Variants in UBR1 observed in about 807,000 individuals in gnomAD.
The protein encoded by UBR1 is E3 ubiquitin-protein ligase UBR1.
UBR1 carries 102 observed loss-of-function variants against 242.1 expected under a neutral mutation model. That is an observed-to-expected ratio of 0.42 (90% CI 0.36 to 0.50). The LOEUF is 0.50. UBR1 is among the 20% of genes least tolerant of loss of function. UBR1 has a pLI of 0.01. For synonymous variants in UBR1, 675 were observed against 684.8 expected, an observed-to-expected ratio of 0.99 and a Z score of 0.22; for missense variants, 1,772 against 2,101.8, an observed-to-expected ratio of 0.84 and a Z score of 3.07.
intron 39 of UBR1, among the ~76,000 whole-genome samples, chr15:42,972,621 T>A (rs1236347203): frequency 6.6e-6 from 1 of 152,208 alleles, no homozygotes; most frequent in African/African-American, 2.4e-5. Context: ...TCCACCCGTC[T>A]TGTCCTCCCA....
rs564907669 is a variant in UBR1 at position 42,953,540 on chromosome 15, C to T, written c.4836-1092G>A. 5.9e-5 allele frequency among the ~76,000 whole-genome samples: 9 copies of T among 152,308 alleles called. No individual in the cohort carries two copies. The East Asian group carries it at 7.7e-4, about 13-fold the overall frequency. The stretch of plus-strand genomic sequence containing the variant: ...AGGATGAGAGGACTATTTTCACTTC[C>T]GGGAGGTTGCTCCAGAACATAATTA... On this transcript the variant is annotated intron_variant, in intron 44 of 46. Coordinates refer to ENST00000290650, the MANE Select transcript of UBR1 (RefSeq NM_174916.3).
intron 43 of UBR1, among the ~76,000 whole-genome samples, chr15:42,958,933 C>T (rs564398289): frequency 6.6e-6 from 1 of 152,278 alleles, no homozygotes; most frequent in South Asian, 2.1e-4. Flanking sequence ...TGGGTTCAAG[C>T]GATTCTCATG....
intron 3 of UBR1, among the ~76,000 whole-genome samples, chr15:43,080,604 T>G (rs540473827): frequency 1.8e-4 from 27 of 152,330 alleles, no homozygotes; most frequent in Non-Finnish European, 1.9e-4. Flanking sequence ...TCCATTCACC[T>G]ACTGAAGGAC....
intron 36 of UBR1, 24 bp downstream of exon 36, chr15:42,984,863 T>G (rs746580043): frequency 5.0e-6 from 8 of 1,601,812 alleles, no homozygotes; most frequent in Non-Finnish European, 6.8e-6. Context: ...ATGAGTTACA[T>G]GTACCTTGTT....
At chr15:43,034,106 G>A (rs1347116598) in intron 19 of UBR1, among the ~76,000 whole-genome samples, 3 of 151,972 alleles carry the variant, frequency 2.0e-5, no homozygotes, top group Middle Eastern at 3.2e-3. Flanking sequence ...GCATGGTGGT[G>A]CACACCTATA....
chr15:43,081,547 G>A (rs2033975410), intron 3 of UBR1, among the ~76,000 whole-genome samples: 1 of 150,912 alleles, frequency 6.6e-6, no homozygotes, highest in Admixed American at 6.6e-5. Context: ...GTTTTAATTT[G>A]CAATTCCCTA....
chr15:43,022,721 G>A lies in UBR1; in HGVS notation c.2820C>T (p.Asp940=), dbSNP rs964326862. The change falls in exon 26 of 47, where the codon GAC becomes GAT. Residue 940 remains aspartate (D), a synonymous_variant. Coordinates refer to ENST00000290650, the MANE Select transcript of UBR1 (RefSeq NM_174916.3). ...ACATACTTGAAGCCTTATGATAAAAGTCAAATGTTACTTCTTCTTCAGGAG... is the reference window on the plus strand; with the variant it reads ...ACATACTTGAAGCCTTATGATAAAAATCAAATGTTACTTCTTCTTCAGGAG... ...QKAPEEEVTF[D]FYHKASRLGS... is the part of the protein sequence containing the mutation. The A allele has an allele frequency of 4.3e-6, 7 of 1,611,370 alleles. No homozygotes were observed. In the East Asian group the frequency reaches 1.3e-4, roughly 31 times the overall value.
chr15:43,006,640 T>C (rs2032835194), intron 30 of UBR1, among the ~76,000 whole-genome samples: 1 of 152,194 alleles, frequency 6.6e-6, no homozygotes, highest in South Asian at 2.1e-4. Context: ...GTGCAATAAA[T>C]TATCTAATTA....
At position 43,056,417 on chromosome 15, in the gene UBR1, T is replaced by C. The variant is rs771737067; in HGVS notation, c.1208A>G (p.Tyr403Cys). ...ACTTCTGTCATGATCATCACTGATA[T>C]ATTCTTTCTGCAGTTGTTTATAATA... ...VKYYKQLQKE[Y>C]ISDDHDRSIS... The change falls in exon 11 of 47, where the codon TAT (tyrosine) becomes TGT (cysteine). Residue 403 changes from tyrosine (Y) to cysteine (C), a missense_variant. By Grantham distance (194) the Tyr-to-Cys change is radical. Coordinates refer to ENST00000290650, the MANE Select transcript of UBR1 (RefSeq NM_174916.3). 3 of 1,611,376 alleles carry C rather than the reference T, an allele frequency of 1.9e-6. No individual in the cohort carries two copies. The highest frequency in any genetic ancestry group is 1.3e-5 in the African/African-American group (1 of 74,972).
At chr15:43,011,985 G>A in intron 29 of UBR1, 1 of 439,784 alleles carries the variant, frequency 2.3e-6, no homozygotes, top group Non-Finnish European at 4.5e-6. Context: ...CCAGCGCTTT[G>A]GGAGGCCGAG....
chr15:43,070,590 A>G (rs979391089), intron 5 of UBR1, among the ~76,000 whole-genome samples: 1 of 152,138 alleles, frequency 6.6e-6, no homozygotes, highest in African/African-American at 2.4e-5. Flanking sequence ...CTCCTGATAC[A>G]CTACTCTTTT....
At position 42,988,845 on chromosome 15, in the gene UBR1, G is replaced by T; in HGVS notation, c.3971C>A (p.Thr1324Asn). 6.2e-7 allele frequency: 1 copy of T among 1,614,206 alleles called. No individual in the cohort carries two copies. Among genetic ancestry groups the T allele is most frequent in the South Asian group, 1.1e-5 (1 of 91,088 alleles). ...AATTGCCTGGATAGTGAAAGCGCAG[G>T]TGCTCCAGGTCAGCATGGGGACTCG... ...DPRVPMLTWSTCAFTIQAIEN... is the reference protein window; with the variant it reads ...DPRVPMLTWSNCAFTIQAIEN... The change falls in exon 35 of 47, where the codon ACC (threonine) becomes AAC (asparagine). Residue 1324 changes from threonine to asparagine, a missense_variant. This residue lies in a region of UBR1 where 965 missense variants were observed against 1,079.7 expected (regional missense o/e 0.89). Transcript: ENST00000290650.
chr15:43,059,890 T>C, intron 7 of UBR1, 65 bp from the exon 8 acceptor site: 3 of 1,596,156 alleles, frequency 1.9e-6, no homozygotes, highest in Non-Finnish European at 2.6e-6. Flanking sequence ...AAGGGATTTA[T>C]ACTTCAAATG....
intron 17 of UBR1, 22 bp downstream of exon 17, chr15:43,037,751 T>A: frequency 6.2e-7 from 1 of 1,603,052 alleles, no homozygotes; most frequent in African/African-American, 1.3e-5. Flanking sequence ...TTCATAAATA[T>A]GAATAATAGA....
intron 4 of UBR1, 131 bp from the exon 5 acceptor site, chr15:43,071,056 G>A (rs1232274293): frequency 8.0e-7 from 1 of 1,256,974 alleles, no homozygotes; most frequent in African/African-American, 1.5e-5. Context: ...AATTCAAGTT[G>A]AGCTCAAGAG....
At chr15:43,031,799 G>C (rs1299376732) in intron 20 of UBR1, among the ~76,000 whole-genome samples, 1 of 152,196 alleles carries the variant, frequency 6.6e-6, no homozygotes. Flanking sequence ...AAGGCAGGCA[G>C]ATCATGAGGT....
chr15:42,954,436 C>T (rs536738919), intron 44 of UBR1, among the ~76,000 whole-genome samples: 131 of 152,186 alleles, frequency 8.6e-4, no homozygotes, highest in Middle Eastern at 3.4e-3. Context: ...CTACTGAAGA[C>T]CCTATTGGGC....
chr15:43,019,998 G>A (rs779825954), intron 27 of UBR1, among the ~76,000 whole-genome samples: 1 of 151,950 alleles, frequency 6.6e-6, no homozygotes, highest in Middle Eastern at 3.2e-3. Flanking sequence ...CAAAGGCAAT[G>A]CTATCTACTC....
At chr15:42,999,700 T>A (rs1409364683) in intron 32 of UBR1, among the ~76,000 whole-genome samples, 3 of 151,848 alleles carry the variant, frequency 2.0e-5, no homozygotes, top group Non-Finnish European at 4.4e-5. Flanking sequence ...TGGTGACACA[T>A]GCCTGTGGTC....
Sources: gnomAD v4.1 joint callset for allele counts (sites outside exome capture counted in the v4.1 genomes callset) on GRCh38, gnomAD v4.1.1 for gene constraint, gnomAD v4.1.1 regional missense constraint, MANE v1.5 for transcripts, NCBI Gene and HGNC (gene_info 2026-07-23, HGNC 2026-07-21) for gene names.